Variants in NECTIN4 observed in about 807,000 individuals in gnomAD.
NECTIN4 encodes the protein nectin-4.
In NECTIN4, 19 loss-of-function variants were observed where a neutral mutation model predicts 51.7. The ratio of observed to expected loss-of-function variants is 0.37; its 90% CI spans 0.26 to 0.54. NECTIN4 has a LOEUF of 0.54. Among genes scored for constraint, NECTIN4 ranks in the 20% least tolerant of loss-of-function variants. The pLI is 0.86. For synonymous variants in NECTIN4, 283 were observed against 286.9 expected, an observed-to-expected ratio of 0.99 and a Z score of 0.14; for missense variants, 619 against 662.4, an observed-to-expected ratio of 0.93 and a Z score of 0.72.
At chr1:161,083,440 T>C (rs1245084684) in intron 1 of NECTIN4, among the ~76,000 whole-genome samples, 1 of 152,202 alleles carries the variant, frequency 6.6e-6, no homozygotes, top group Non-Finnish European at 1.5e-5. Flanking sequence ...GATGATGTCA[T>C]CAGACCAAAG....
chr1:161,076,273 C>T, intron 4 of NECTIN4, 82 bp downstream of exon 4: 2 of 1,513,558 alleles, frequency 1.3e-6, no homozygotes, highest in Non-Finnish European at 1.8e-6. Context: ...ATATGTTGTC[C>T]CATTCCATAG....
At chr1:161,082,210 T>C (rs933279269) in intron 1 of NECTIN4, among the ~76,000 whole-genome samples, 1 of 152,056 alleles carries the variant, frequency 6.6e-6, no homozygotes, top group African/African-American at 2.4e-5. Context: ...GCGCCTGTAG[T>C]CCCAGCTACT....
rs766816410 is a variant in NECTIN4 at position 161,074,658 on chromosome 1, C to T, written c.953G>A (p.Ser318Asn). Residue 318 changes from serine (S) to asparagine (N), a missense_variant, in exon 5 of 9, where the codon AGC (serine) becomes AAC (asparagine). Around this residue, in one of 3 missense-constraint regions of NECTIN4, gnomAD observed 364 missense variants for 415.7 expected, o/e 0.88. Transcript: ENST00000368012. Reference protein sequence around the residue: ...EHSGIYVCHVSNEFSSRDSQV... With the variant: ...EHSGIYVCHVNNEFSSRDSQV... ...AGAATCCCTTGAGGAGAACTCATTG[C>T]TGACATGGCAGACGTAGATGCCGCT... 3 of 1,614,248 alleles carry T rather than the reference C, an allele frequency of 1.9e-6. No individual in the cohort carries two copies. The highest frequency in any genetic ancestry group is 2.2e-5 in the East Asian group (1 of 44,884).
chr1:161,076,482 T>C lies in NECTIN4; in HGVS notation c.731-7A>G. The C allele has an allele frequency of 1.9e-6, 3 of 1,613,902 alleles. No homozygotes were observed. Among genetic ancestry groups the C allele is most frequent in the Non-Finnish European group, 2.5e-6 (3 of 1,179,992 alleles). ...ACAGAGGCCTCAGCAAGGACTGGAA[T>C]GGGAAGTGGGAGGAGAAAGAATGGG... On this transcript the variant is annotated splice_region_variant and splice_polypyrimidine_tract_variant and intron_variant, in intron 3 of 8. Coordinates refer to ENST00000368012, the MANE Select transcript of NECTIN4 (RefSeq NM_030916.3).
intron 1 of NECTIN4, chr1:161,087,592 T>A (rs1439556512): frequency 3.3e-5 from 5 of 151,398 alleles, no homozygotes; most frequent in Non-Finnish European, 7.4e-5. Flanking sequence ...CTGGTTATGC[T>A]TCTAACACTG....
chr1:161,085,472 C>A (rs765906758), intron 1 of NECTIN4, among the ~76,000 whole-genome samples: 9 of 152,062 alleles, frequency 5.9e-5, no homozygotes, highest in Non-Finnish European at 1.3e-4. Flanking sequence ...GCCCCTCCAC[C>A]CACCATGGCC....
At chr1:161,073,547 C>T (rs191320627) in intron 7 of NECTIN4, among the ~76,000 whole-genome samples, 173 bp downstream of exon 7, 183 of 152,334 alleles carry the variant, frequency 1.2e-3, no homozygotes, top group African/African-American at 4.2e-3. Context: ...TGGAGCAGCC[C>T]TAGCAGACCC....
rs1256800512 is a variant in NECTIN4, at chr1:161,089,536, A to G, written c.-240T>C. 2 of 558,130 alleles carry G rather than the reference A, an allele frequency of 3.6e-6. No individual in the cohort carries two copies. Among genetic ancestry groups the G allele is most frequent in the Non-Finnish European group, 6.4e-6 (2 of 311,026 alleles). 34.6% of individuals were successfully genotyped at this position (558,130 alleles called of 1,614,324 possible). On this transcript the variant is annotated 5_prime_UTR_variant, in exon 1 of 9. Coordinates refer to ENST00000368012, the MANE Select transcript of NECTIN4 (RefSeq NM_030916.3). The surrounding 1 kb of genome is among the most constrained non-coding windows in gnomAD (Gnocchi z 4.1). ...CCGAGCTCCCCCAGAGCTGCTTCCC[A>G]CGCTGTGGCCAACAACGACGGCAGA... is the stretch of plus-strand genomic sequence containing the variant.
chr1:161,083,983 T>C (rs3892376), intron 1 of NECTIN4, among the ~76,000 whole-genome samples: 135,776 of 152,274 alleles, frequency 0.89, 60,904 homozygotes, highest in African/African-American at 0.97. Flanking sequence ...TATCTTTTCT[T>C]TATGAGGGGC....
chr1:161,087,538 CT>C (rs1654003502), intron 1 of NECTIN4: 1 of 151,028 alleles, frequency 6.6e-6, no homozygotes, highest in African/African-American at 2.4e-5. Context: ...CTCAAATGTA[CT>C]ATTCTTCAAT....
Position 161,089,155 on chromosome 1 carries a change from C to A in NECTIN4, c.79+63G>T. On this transcript the variant is annotated intron_variant, in intron 1 of 8. Coordinates refer to ENST00000368012, the MANE Select transcript of NECTIN4 (RefSeq NM_030916.3). The surrounding 1 kb of genome is among the most constrained non-coding windows in gnomAD (Gnocchi z 4.1). ...GTGCGTGTGTGTCTATGTGTTTGTG[C>A]ATGTGTGTCAGTGCCAGGTTGGGCT... The A allele has an allele frequency of 7.1e-7, 1 of 1,412,686 alleles. No individual in the cohort carries two copies. 87.5% of individuals were successfully genotyped at this position (1,412,686 alleles called of 1,614,324 possible).
intron 1 of NECTIN4, among the ~76,000 whole-genome samples, chr1:161,080,229 G>C (rs560082680): frequency 6.6e-6 from 1 of 152,322 alleles, no homozygotes; most frequent in Admixed American, 6.5e-5. Flanking sequence ...CCCTCTTGCA[G>C]CCTAGGATTG....
intron 1 of NECTIN4, among the ~76,000 whole-genome samples, chr1:161,081,184 G>A (rs562840928): frequency 2.6e-5 from 4 of 152,154 alleles, no homozygotes; most frequent in Non-Finnish European, 4.4e-5. Flanking sequence ...GTTGGGACAG[G>A]GTGGGGCCAA....
In NECTIN4 at chr1:161,077,676, G is replaced by A. The variant is rs1653482021; in HGVS notation, c.507C>T (p.Ala169=). 6.2e-7 allele frequency: 1 copy of A among 1,613,292 alleles called. No individual in the cohort carries two copies. Among genetic ancestry groups the A allele is most frequent in the Non-Finnish European group, 8.5e-7 (1 of 1,180,032 alleles). ...LEEGQGLTLA[A]SCTAEGSPAP... ...CTGGGCTGCCCTCAGCTGTGCAGGA[G>A]GCTGCCAGGGTCAGGCCCTGGCCCT... Residue 169 remains alanine (A), a synonymous_variant, in exon 3 of 9, where the codon GCC becomes GCT. Transcript: ENST00000368012.
chr1:161,079,668 C>T lies in NECTIN4; in HGVS notation c.361G>A (p.Asp121Asn). Residue 121 changes from aspartate (D) to asparagine (N), a missense_variant, in exon 2 of 9, where the codon GAT becomes AAT. By Grantham distance (23) the Asp-to-Asn change is conservative. Coordinates refer to ENST00000368012, the MANE Select transcript of NECTIN4 (RefSeq NM_030916.3). Reference sequence around the variant, plus strand: ...ACCCGGCACTCGTACTCGCCCTCATCCGCCTGCACTGCGTTGCGCAGGAGC... The same window carrying T: ...ACCCGGCACTCGTACTCGCCCTCATTCGCCTGCACTGCGTTGCGCAGGAGC... ...SVLLRNAVQA[D>N]EGEYECRVST... 3 of 1,606,798 alleles carry T rather than the reference C, an allele frequency of 1.9e-6. No homozygotes were observed. The highest frequency in any genetic ancestry group is 2.5e-6 in the Non-Finnish European group (3 of 1,179,622).
intron 1 of NECTIN4, among the ~76,000 whole-genome samples, chr1:161,086,750 G>A (rs1293225612): frequency 2.0e-5 from 3 of 152,218 alleles, no homozygotes; most frequent in Admixed American, 1.3e-4. Context: ...TTCCCTGTCA[G>A]GGGTGGGGCA....
chr1:161,079,752 C>T lies in NECTIN4; in HGVS notation c.277G>A (p.Ala93Thr). The T allele has an allele frequency of 6.2e-7, 1 of 1,611,606 alleles. No homozygotes were observed. Among genetic ancestry groups the T allele is most frequent in the East Asian group, 2.2e-5 (1 of 44,884 alleles). Residue 93 changes from alanine to threonine, a missense_variant, in exon 2 of 9, where the codon GCT (alanine) becomes ACT (threonine). Ala to Thr is a moderately conservative substitution (Grantham distance 58). Coordinates refer to ENST00000368012, the MANE Select transcript of NECTIN4 (RefSeq NM_030916.3). The part of the protein sequence containing the change: ...HSKYGLHVSP[A>T]YEGRVEQPPP... ...GGCTGCTCCACGCGGCCCTCGTAAG[C>T]CGGGCTCACATGAAGCCCGTATTTG...
chr1:161,073,846 A>G, intron 6 of NECTIN4, 51 bp from the exon 7 acceptor site: 1 of 1,535,596 alleles, frequency 6.5e-7, no homozygotes, highest in East Asian at 2.2e-5. Flanking sequence ...CAGCCTCCCA[A>G]GGTGAGCCTA....
At chr1:161,080,008 C>T in intron 1 of NECTIN4, 59 bp from the exon 2 acceptor site, 4 of 1,538,042 alleles carry the variant, frequency 2.6e-6, no homozygotes, top group Non-Finnish European at 3.5e-6. Flanking sequence ...TGGGGGAGCA[C>T]AGTCATAATG....
Sources: allele counts gnomAD v4.1 joint callset (sites outside exome capture counted in the v4.1 genomes callset), GRCh38; gene constraint gnomAD v4.1.1; regional missense constraint gnomAD v4.1.1; non-coding constraint Gnocchi (gnomAD v3.1); transcripts MANE v1.5; gene names NCBI Gene and HGNC (gene_info 2026-07-23, HGNC 2026-07-21).